Variants in CYFIP1 observed in about 807,000 individuals in gnomAD.
The protein encoded by CYFIP1 is cytoplasmic FMR1-interacting protein 1.
CYFIP1 carries 58 observed loss-of-function variants against 163.5 expected under a neutral mutation model. That is an observed-to-expected ratio of 0.35 (90% CI 0.29 to 0.44). The LOEUF is 0.44. Ranked by LOEUF, CYFIP1 falls within the 20% of genes least tolerant of loss-of-function variation. CYFIP1 has a pLI of 1.00. For missense variants in CYFIP1, 1,338 were observed against 1,653.8 expected, an observed-to-expected ratio of 0.81 and a Z score of 3.31; for synonymous variants, 663 against 660.7, an observed-to-expected ratio of 1.00 and a Z score of -0.05.
At chr15:22,870,860 G>C (rs1042815120) in intron 30 of CYFIP1, among the ~76,000 whole-genome samples, 5 of 152,318 alleles carry the variant, frequency 3.3e-5, no homozygotes, top group African/African-American at 1.2e-4. Context: ...GAAATACTGT[G>C]ACGGGATACT....
chr15:22,947,878 G>A (rs2062113991), intron 1 of CYFIP1: 2 of 930,894 alleles, frequency 2.1e-6, no homozygotes. Flanking sequence ...GAGCAGAGGT[G>A]CAGAAATGAA....
intron 1 of CYFIP1, among the ~76,000 whole-genome samples, chr15:22,963,501 T>TAACATAACATAACA (rs1216206637): frequency 1.7e-4 from 11 of 63,004 alleles, no homozygotes; most frequent in African/African-American, 5.6e-4. Flanking sequence ...AAAAATAACA[T>TAACATAACATAACA]AACATAACAT....
intron 11 of CYFIP1, 80 bp downstream of exon 11, chr15:22,932,143 G>A: frequency 1.0e-6 from 1 of 974,120 alleles, no homozygotes; most frequent in Non-Finnish European, 1.6e-6. Flanking sequence ...GTTTTTCAAA[G>A]CAATTAAACC....
At chr15:22,871,679 T>C (rs2059437572) in intron 30 of CYFIP1, among the ~76,000 whole-genome samples, 1 of 152,150 alleles carries the variant, frequency 6.6e-6, no homozygotes, top group African/African-American at 2.4e-5. Context: ...GAATGTTCTC[T>C]GGCCGGAGGC....
chr15:22,919,486 C>T (rs573894305), intron 13 of CYFIP1, among the ~76,000 whole-genome samples: 3 of 152,104 alleles, frequency 2.0e-5, no homozygotes. Flanking sequence ...ACGGCTTTTG[C>T]CGTTTATAAA....
chr15:22,932,317 C>T lies in CYFIP1; in HGVS notation c.1016G>A (p.Ser339Asn). Residue 339 changes from serine (S) to asparagine (N), a missense_variant, in exon 11 of 31, where the codon AGC (serine) becomes AAC (asparagine). Physicochemically the swap from Ser to Asn is conservative, Grantham distance 46. Transcript: ENST00000617928. ...KSRWTCTSSG[S>N]SPQYNICEQM... ...CTCGCAGATGTTGTACTGAGGGCTG[C>T]TGCCGGAGGATGTGCACGTCCATCT... is the stretch of plus-strand genomic sequence containing the variant. 2.5e-6 allele frequency: 4 copies of T among 1,609,422 alleles called. No individual in the cohort carries two copies. Among genetic ancestry groups the T allele is most frequent in the East Asian group, 2.2e-5 (1 of 44,582 alleles).
At chr15:22,912,846 G>A (rs992484326) in intron 17 of CYFIP1, among the ~76,000 whole-genome samples, 15 of 152,112 alleles carry the variant, frequency 9.9e-5, no homozygotes, top group South Asian at 8.3e-4. Flanking sequence ...ACTTGAGCCT[G>A]AGAGGTTGAG....
intron 1 of CYFIP1, among the ~76,000 whole-genome samples, chr15:22,957,893 C>T (rs1252893324): frequency 6.6e-6 from 1 of 152,166 alleles, no homozygotes; most frequent in Non-Finnish European, 1.5e-5. Context: ...CCCTTTCTCT[C>T]CCAGGTGTAG....
At chr15:22,967,405 G>A (rs1321808405) in intron 1 of CYFIP1, among the ~76,000 whole-genome samples, 1 of 152,182 alleles carries the variant, frequency 6.6e-6, no homozygotes, top group Non-Finnish European at 1.5e-5. Flanking sequence ...AGTTCCAATC[G>A]CACTTTCCAC....
chr15:22,931,446 CT>C (rs1234005717), intron 11 of CYFIP1, among the ~76,000 whole-genome samples: 1 of 152,062 alleles, frequency 6.6e-6, no homozygotes, highest in African/African-American at 2.4e-5. Context: ...CCCAATGCCC[CT>C]GGGACGTCTT....
upstream of CYFIP1, among the ~76,000 whole-genome samples, chr15:22,980,761 GT>G (rs1210132261): frequency 3.9e-5 from 6 of 152,106 alleles, no homozygotes; most frequent in South Asian, 2.1e-4. Context: ...CAGGACGCCC[GT>G]GTGGCGCCGC....
chr15:22,899,799 G>A (rs112528538), intron 22 of CYFIP1, among the ~76,000 whole-genome samples: 14,751 of 152,200 alleles, frequency 0.097, 804 homozygotes, highest in East Asian at 0.17. Flanking sequence ...TGTAATCCCA[G>A]CACTTTGGAA....
Position 22,873,345 on chromosome 15 carries a change from C to G in CYFIP1, c.3449+146G>C, listed in dbSNP as rs111303421. On this transcript the variant is annotated intron_variant, in intron 29 of 30. Coordinates refer to ENST00000617928, the MANE Select transcript of CYFIP1 (RefSeq NM_014608.6). ...GCTCTTTGGCATCAAGTAAGAATCCCCACTACAGGAGGCTTAAAAGCCGCT... is the reference window on the plus strand; with the variant it reads ...GCTCTTTGGCATCAAGTAAGAATCCGCACTACAGGAGGCTTAAAAGCCGCT... 7.6e-3 allele frequency: 5,034 copies of G among 666,572 alleles called. 190 individuals carry two copies. In the African/African-American group the frequency reaches 0.078, roughly 10 times the overall value. The allele number at this position is 666,572 out of a possible 1,614,324, so 41.3% of individuals were successfully genotyped here.
chr15:22,967,945 G>A (rs1053847182), intron 1 of CYFIP1, among the ~76,000 whole-genome samples: 12 of 152,072 alleles, frequency 7.9e-5, no homozygotes. Flanking sequence ...AGAACAGCCT[G>A]ACCAATATGG....
chr15:22,937,062 C>A (rs370594737), intron 9 of CYFIP1, 42 bp downstream of exon 9: 1 of 1,382,386 alleles, frequency 7.2e-7, no homozygotes, highest in South Asian at 1.2e-5. Flanking sequence ...TCAAAGTGCA[C>A]ACAAATCAAT....
intron 17 of CYFIP1, among the ~76,000 whole-genome samples, chr15:22,914,231 C>T (rs2060892468): frequency 1.3e-5 from 2 of 152,098 alleles, no homozygotes; most frequent in Non-Finnish European, 2.9e-5. Context: ...GCCTGCACTA[C>T]GAAGGCCTGG....
Position 22,873,402 on chromosome 15 carries a change from G to A in CYFIP1, c.3449+89C>T, listed in dbSNP as rs2059491141. ...GTTTCTGGTCCACTTCCTGAGCATG[G>A]CTGGCTGCTTGTTAGCCTAACACGC... On this transcript the variant is annotated intron_variant, in intron 29 of 30. Transcript: ENST00000617928. 5.5e-6 allele frequency: 6 copies of A among 1,092,796 alleles called. No individual in the cohort carries two copies. In the East Asian group the frequency reaches 1.4e-4, roughly 26 times the overall value. 67.7% of individuals were successfully genotyped at this position (1,092,796 alleles called of 1,614,324 possible). A position where few individuals can be genotyped will look rare whatever the true frequency, so the allele number is the denominator to read the frequency against.
At chr15:22,929,008 C>A (rs1189769058) in intron 11 of CYFIP1, among the ~76,000 whole-genome samples, 2 of 151,768 alleles carry the variant, frequency 1.3e-5, no homozygotes, top group African/African-American at 4.8e-5. Context: ...TGCCTGAGGT[C>A]AGGAGTTCGA....
intron 6 of CYFIP1, among the ~76,000 whole-genome samples, chr15:22,940,014 G>A (rs1220476876): frequency 6.6e-6 from 1 of 152,162 alleles, no homozygotes; most frequent in Non-Finnish European, 1.5e-5. Context: ...CAGAGCCCTG[G>A]CCTGCCACCA....
Sources: allele counts gnomAD v4.1 joint callset (sites outside exome capture counted in the v4.1 genomes callset), GRCh38; gene constraint gnomAD v4.1.1; transcripts MANE v1.5; gene names NCBI Gene and HGNC (gene_info 2026-07-23, HGNC 2026-07-21).